ENAH: variants seen among roughly 807,000 people sequenced by gnomAD.
ENAH encodes the protein ENAH actin regulator.
Under a neutral mutation model 78.7 loss-of-function variants are expected in ENAH, and 23 were observed. The ratio of observed to expected loss-of-function variants is 0.29; its 90% CI spans 0.21 to 0.41. The LOEUF (loss-of-function observed/expected upper bound fraction) is 0.41, where lower values mean the gene tolerates loss of function less well. Among genes scored for constraint, ENAH ranks in the 10% least tolerant of loss-of-function variants. The probability of loss-of-function intolerance (pLI) is 1.00; values close to 1 mark genes in which losing one functional copy is unlikely to be tolerated. For missense variants in ENAH, 544 were observed against 691.0 expected, an observed-to-expected ratio of 0.79 and a Z score of 2.39; for synonymous variants, 226 against 241.0, an observed-to-expected ratio of 0.94 and a Z score of 0.58.
chr1:225,579,701 G>C (rs997078809), intron 1 of ENAH, among the ~76,000 whole-genome samples: 2 of 152,112 alleles, frequency 1.3e-5, no homozygotes, highest in African/African-American at 4.8e-5. Flanking sequence ...TATGAGTTTA[G>C]CACATTACAG....
chr1:225,501,112 A>G, intron 11 of ENAH, 42 bp from the exon 12 acceptor site: 1 of 1,478,722 alleles, frequency 6.8e-7, no homozygotes, highest in South Asian at 1.2e-5. Flanking sequence ...CAACATTCTT[A>G]ATACTTAATG....
At position 225,490,836 on chromosome 1, in the gene ENAH, G is replaced by A. The variant is rs1213650792; in HGVS notation, c.*6939C>T. 1 of 152,222 alleles carries A rather than the reference G, an allele frequency of 6.6e-6. No homozygotes were observed. The highest frequency in any genetic ancestry group is 1.5e-5 in the Non-Finnish European group (1 of 68,074). The allele number at this position is 152,222 out of a possible 1,614,324, so 9.4% of individuals were successfully genotyped here. Reference sequence around the variant, plus strand: ...AACGTCTTTTACCAACCATCCATGGGCTATTGCTGAGTTGCGGAACTAGCC... The same window carrying A: ...AACGTCTTTTACCAACCATCCATGGACTATTGCTGAGTTGCGGAACTAGCC... On this transcript the variant is annotated 3_prime_UTR_variant, in exon 14 of 14. Transcript: ENST00000366843.
chr1:225,494,110 CTG>C lies in ENAH; in HGVS notation c.*3663_*3664del, dbSNP rs2096238099. The C allele has an allele frequency of 2.3e-5, 3 of 132,784 alleles. No homozygotes were observed. Among genetic ancestry groups the C allele is most frequent in the East Asian group, 2.3e-4 (1 of 4,418 alleles). The allele number at this position is 132,784 out of a possible 1,614,324, so 8.2% of individuals were successfully genotyped here. On this transcript the variant is annotated 3_prime_UTR_variant, in exon 14 of 14. Transcript: ENST00000366843. ...AGCTGAAAATTTTACAACTGTAACTCTGTAATGGCTGCAAATGTTAATGAATA... is the reference window on the plus strand; with the variant it reads ...AGCTGAAAATTTTACAACTGTAACTCTAATGGCTGCAAATGTTAATGAATA...
intron 1 of ENAH, among the ~76,000 whole-genome samples, chr1:225,639,482 C>T (rs1660633393): frequency 6.6e-6 from 1 of 152,012 alleles, no homozygotes; most frequent in Non-Finnish European, 1.5e-5. Context: ...GGTTAGTTAC[C>T]ACAGGAATTC....
chr1:225,501,923 T>C (rs1356099606), intron 11 of ENAH, among the ~76,000 whole-genome samples: 2 of 151,932 alleles, frequency 1.3e-5, no homozygotes, highest in African/African-American at 2.4e-5. Context: ...AATAAAAGAG[T>C]CCCCAGTGGA....
intron 1 of ENAH, among the ~76,000 whole-genome samples, chr1:225,651,198 T>C (rs887990296): frequency 9.2e-5 from 14 of 152,046 alleles, no homozygotes; most frequent in Non-Finnish European, 1.8e-4. Flanking sequence ...AAATAACTTG[T>C]GTGAAATCAT....
intron 1 of ENAH, among the ~76,000 whole-genome samples, chr1:225,642,736 C>T (rs2148460596): frequency 6.6e-6 from 1 of 152,074 alleles, no homozygotes; most frequent in East Asian, 1.9e-4. Flanking sequence ...GAGTTAATAT[C>T]CTCATTATTA....
chr1:225,535,492 C>T, intron 3 of ENAH: 1 of 1,300,490 alleles, frequency 7.7e-7, no homozygotes, highest in Non-Finnish European at 1.0e-6. Context: ...GTAATGTAAA[C>T]ATAATGTTGC....
In ENAH at chr1:225,490,639, A is replaced by G. The variant is rs185692707; in HGVS notation, c.*7136T>C. The G allele has an allele frequency of 6.6e-6, 1 of 152,282 alleles. No homozygotes were observed. Among genetic ancestry groups the G allele is most frequent in the East Asian group, 1.9e-4 (1 of 5,188 alleles). 9.4% of individuals were successfully genotyped at this position (152,282 alleles called of 1,614,324 possible). A position where few individuals can be genotyped will look rare whatever the true frequency, so the allele number is the denominator to read the frequency against. ...AAAGTACCTCTGGGAAGGACACCAA[A>G]TTGTAAAGTCCTGACTCAGGCCTGA... On this transcript the variant is annotated 3_prime_UTR_variant, in exon 14 of 14. Transcript: ENST00000366843.
At chr1:225,542,973 C>T (rs1243049645) in intron 3 of ENAH, among the ~76,000 whole-genome samples, 4 of 151,106 alleles carry the variant, frequency 2.6e-5, no homozygotes, top group Non-Finnish European at 5.9e-5. Context: ...GAGTTATGAT[C>T]GCACCACTGC....
intron 5 of ENAH, chr1:225,517,508 C>G: frequency 6.4e-7 from 1 of 1,551,622 alleles, no homozygotes; most frequent in East Asian, 2.4e-5. Flanking sequence ...CCATTGGGTG[C>G]TGTCGGTGAT....
At position 225,610,948 on chromosome 1, in the gene ENAH, G is replaced by A. The variant is rs143699800; in HGVS notation, c.5+41738C>T. On this transcript the variant is annotated intron_variant, in intron 1 of 13. Transcript: ENST00000366843. ...AATAAAATGAATGATACAGATGAAC[G>A]GCACAGATCTAACGTTAGGCCGAAA... Among the ~76,000 whole-genome samples the A allele has an allele frequency of 1.3e-4, 20 of 152,176 alleles. No homozygotes were observed. In the East Asian group the frequency reaches 3.7e-3, roughly 28 times the overall value.
Position 225,572,614 on chromosome 1 carries a change from G to T in ENAH, c.6-5200C>A, listed in dbSNP as rs567923935. Among the ~76,000 whole-genome samples the T allele has an allele frequency of 7.5e-4, 114 of 152,268 alleles. 1 individual carries two copies. Among genetic ancestry groups the T allele is most frequent in the South Asian group, 5.6e-3 (27 of 4,826 alleles). On this transcript the variant is annotated intron_variant, in intron 1 of 13. Transcript: ENST00000366843. ...CTCAGCCACAAGAGACAGTATTGCT[G>T]CATGGACACTGGTGAACAAATACTA... is the stretch of plus-strand genomic sequence containing the variant.
chr1:225,572,968 A>C (rs1303755464), intron 1 of ENAH, among the ~76,000 whole-genome samples: 1 of 152,228 alleles, frequency 6.6e-6, no homozygotes, highest in Non-Finnish European at 1.5e-5. Flanking sequence ...AAACCAAGAC[A>C]CCAAATTACA....
chr1:225,631,393 GA>G (rs756621770), intron 1 of ENAH, among the ~76,000 whole-genome samples: 22 of 150,984 alleles, frequency 1.5e-4, no homozygotes, highest in Non-Finnish European at 2.5e-4. Context: ...AACATATAGT[GA>G]AACTGTCTCT....
At chr1:225,606,064 T>C (rs2096954096) in intron 1 of ENAH, among the ~76,000 whole-genome samples, 2 of 152,182 alleles carry the variant, frequency 1.3e-5, no homozygotes, top group Non-Finnish European at 1.5e-5. Flanking sequence ...AATGTTCCTT[T>C]TGGATAGATT....
chr1:225,521,632 C>A (rs1303586531), intron 4 of ENAH, among the ~76,000 whole-genome samples: 1 of 145,256 alleles, frequency 6.9e-6, no homozygotes, highest in Non-Finnish European at 1.5e-5. Context: ...CAGAGTAAGA[C>A]CCTGTCTCCA....
chr1:225,519,110 A>G, intron 5 of ENAH, 88 bp downstream of exon 5: 1 of 1,525,482 alleles, frequency 6.6e-7, no homozygotes, highest in Non-Finnish European at 8.8e-7. Context: ...CAAACATCTC[A>G]AATGTGAAAT....
chr1:225,554,520 CAT>C (rs2096657130), intron 3 of ENAH, among the ~76,000 whole-genome samples: 2 of 152,188 alleles, frequency 1.3e-5, no homozygotes, highest in South Asian at 2.1e-4. Context: ...TTTCAGAAAA[CAT>C]GTGTTTCTTT....
Sources: gnomAD v4.1 joint callset for allele counts (sites outside exome capture counted in the v4.1 genomes callset) on GRCh38, gnomAD v4.1.1 for gene constraint, MANE v1.5 for transcripts, NCBI Gene and HGNC (gene_info 2026-07-23, HGNC 2026-07-21) for gene names.